TMC2: variants seen among roughly 807,000 people sequenced by gnomAD.
TMC2 encodes transmembrane channel like 2, also known as transmembrane channel-like protein 2.
Under a neutral mutation model 105.9 loss-of-function variants are expected in TMC2, and 102 were observed. The ratio of observed to expected loss-of-function variants is 0.96; its 90% CI spans 0.82 to 1.14. The LOEUF (loss-of-function observed/expected upper bound fraction) is 1.14, where lower values mean the gene tolerates loss of function less well. Among genes scored for constraint, TMC2 ranks in the 50% most tolerant of loss-of-function variants. TMC2 has a pLI of 0.00. For missense variants in TMC2, 1,093 were observed against 1,134.3 expected (o/e 0.96, Z 0.52); for synonymous variants, 402 against 422.8 (o/e 0.95, Z 0.60).
intron 12 of TMC2, among the ~76,000 whole-genome samples, chr20:2,610,924 C>CG (rs1489173910): frequency 1.5e-4 from 23 of 152,150 alleles, no homozygotes; most frequent in Admixed American, 1.5e-3. Flanking sequence ...TAATTGTCCT[C>CG]TAAGGGGCTA....
At chr20:2,560,969 A>G (rs1568505429) in intron 3 of TMC2, among the ~76,000 whole-genome samples, 1 of 152,182 alleles carries the variant, frequency 6.6e-6, no homozygotes, top group Non-Finnish European at 1.5e-5. Context: ...GAAATTCTCC[A>G]CAGCCCTGCT....
rs2086169921 is a variant in TMC2 at position 2,579,264 on chromosome 20, T to C, written c.727+37T>C. On this transcript the variant is annotated intron_variant, in intron 6 of 19. Transcript: ENST00000358864. Reference sequence around the variant, plus strand: ...GGTGTCACTGTTTTTTTAATTGGTTTCCTAAAGCGTTTCCCAAGAGCTTGG... The same window carrying C: ...GGTGTCACTGTTTTTTTAATTGGTTCCCTAAAGCGTTTCCCAAGAGCTTGG... The C allele has an allele frequency of 3.9e-6, 5 of 1,281,780 alleles. No individual in the cohort carries two copies. In the South Asian group the frequency reaches 6.0e-5, roughly 15 times the overall value. 79.4% of individuals were successfully genotyped at this position (1,281,780 alleles called of 1,614,324 possible).
In TMC2 at chr20:2,577,228, A is replaced by G. The variant is rs907559462; in HGVS notation, c.646-1918A>G. On this transcript the variant is annotated intron_variant, in intron 5 of 19. Coordinates refer to ENST00000358864, the MANE Select transcript of TMC2 (RefSeq NM_080751.3). The stretch of plus-strand genomic sequence containing the variant: ...CAGCCTGTATTTGTTTTTAGTAGAG[A>G]CAGGGTTTCACTATGTTAGCCAGGC... 2.8e-4 allele frequency among the ~76,000 whole-genome samples: 42 copies of G among 151,604 alleles called. 5 individuals carry two copies.
intron 2 of TMC2, among the ~76,000 whole-genome samples, chr20:2,553,575 G>A (rs944344267): frequency 6.6e-5 from 10 of 151,978 alleles, no homozygotes; most frequent in African/African-American, 1.9e-4. Context: ...GAATGCTGGC[G>A]TCATGAAATG....
chr20:2,568,908 G>A (rs941901564), intron 4 of TMC2, among the ~76,000 whole-genome samples: 3 of 152,116 alleles, frequency 2.0e-5, no homozygotes, highest in Non-Finnish European at 4.4e-5. Context: ...AACTTCACAC[G>A]TATCAACTGT....
chr20:2,642,380 C>T lies in TMC2; in HGVS notation c.*1029C>T, dbSNP rs751206888. ...AACAGGGAGTGAAAACAGTGAATCA[C>T]AGGAGCGAGTGAGTTGCCCAGTGCC... On this transcript the variant is annotated 3_prime_UTR_variant, in exon 20 of 20. Transcript: ENST00000358864. Among the ~76,000 whole-genome samples, 2 of 152,130 alleles carry T rather than the reference C, an allele frequency of 1.3e-5. No homozygotes were observed. The highest frequency in any genetic ancestry group is 2.1e-4 in the South Asian group (1 of 4,832).
At chr20:2,621,164 C>A (rs1260153709) in intron 16 of TMC2, among the ~76,000 whole-genome samples, 1 of 152,034 alleles carries the variant, frequency 6.6e-6, no homozygotes, top group Non-Finnish European at 1.5e-5. Context: ...AGTTCAAGAC[C>A]AGCCTGGCCA....
intron 1 of TMC2, 126 bp from the exon 2 acceptor site, chr20:2,537,143 C>A: frequency 5.1e-6 from 4 of 786,576 alleles, no homozygotes; most frequent in African/African-American, 1.7e-5. Context: ...TGAGTAAAAT[C>A]ATTGGAGCTG....
At chr20:2,598,921 T>C (rs535612380) in intron 10 of TMC2, among the ~76,000 whole-genome samples, 31 of 151,984 alleles carry the variant, frequency 2.0e-4, no homozygotes, top group Non-Finnish European at 3.5e-4. Context: ...AAGTTTCCTG[T>C]GTGTACATGT....
intron 16 of TMC2, among the ~76,000 whole-genome samples, chr20:2,621,918 C>A (rs888285165): frequency 6.6e-6 from 1 of 152,188 alleles, no homozygotes; most frequent in Non-Finnish European, 1.5e-5. Flanking sequence ...GCACTAGAAT[C>A]TGATACACCA....
intron 10 of TMC2, among the ~76,000 whole-genome samples, chr20:2,599,632 G>A (rs2086336837): frequency 7.2e-6 from 1 of 138,232 alleles, no homozygotes; most frequent in Non-Finnish European, 1.5e-5. Context: ...TAGAGATGAA[G>A]TCTCTCACTA....
intron 17 of TMC2, among the ~76,000 whole-genome samples, chr20:2,633,741 C>T (rs4491794): frequency 0.76 from 115,160 of 152,074 alleles, 43,740 homozygotes; most frequent in East Asian, 0.87. Context: ...CTGTTGGTTT[C>T]CAAACCTACT....
At chr20:2,549,376 T>A (rs1416170784) in intron 2 of TMC2, among the ~76,000 whole-genome samples, 2 of 152,242 alleles carry the variant, frequency 1.3e-5, no homozygotes, top group East Asian at 3.8e-4. Flanking sequence ...ATATCTTAAT[T>A]CAGCCAATTA....
chr20:2,630,437 C>T (rs1276129278), intron 17 of TMC2, among the ~76,000 whole-genome samples: 2 of 152,160 alleles, frequency 1.3e-5, no homozygotes, highest in Admixed American at 1.3e-4. Context: ...TTTACAATTA[C>T]AAAATAATCC....
chr20:2,617,235 G>C lies in TMC2; in HGVS notation c.2104G>C (p.Val702Leu). Residue 702 changes from valine (V) to leucine (L), a missense_variant, in exon 16 of 20, where the codon GTG (valine) becomes CTG (leucine). Transcript: ENST00000358864. ...NNFYMGLLLLVLFLSLLPVAY... is the reference protein window; with the variant it reads ...NNFYMGLLLLLLFLSLLPVAY... ...CTTCTACATGGGCCTCCTGCTGCTG[G>C]TGCTCTTCCTCAGCCTCCTGCCGGT... 1 of 1,614,176 alleles carries C rather than the reference G, an allele frequency of 6.2e-7. No individual in the cohort carries two copies. Among genetic ancestry groups the C allele is most frequent in the Non-Finnish European group, 8.5e-7 (1 of 1,180,028 alleles).
At chr20:2,620,183 T>C (rs2086515001) in intron 16 of TMC2, among the ~76,000 whole-genome samples, 1 of 152,242 alleles carries the variant, frequency 6.6e-6, no homozygotes, top group Admixed American at 6.5e-5. Flanking sequence ...GGTTTCTTCA[T>C]GCTGCTTATA....
intron 4 of TMC2, among the ~76,000 whole-genome samples, chr20:2,568,488 G>A (rs2086079748): frequency 6.6e-6 from 1 of 152,196 alleles, no homozygotes; most frequent in Non-Finnish European, 1.5e-5. Flanking sequence ...TCTGGACACA[G>A]AGTCTGAACA....
intron 8 of TMC2, among the ~76,000 whole-genome samples, chr20:2,593,020 A>G (rs2086280127): frequency 6.6e-6 from 1 of 152,188 alleles, no homozygotes; most frequent in Admixed American, 6.5e-5. Context: ...TCATGTTCAC[A>G]CTACTACCTG....
At chr20:2,579,272 C>T (rs1271974608) in intron 6 of TMC2, 45 bp downstream of exon 6, 25 of 1,207,122 alleles carry the variant, frequency 2.1e-5, no homozygotes, top group Non-Finnish European at 3.0e-5. Context: ...TTTCCTAAAG[C>T]GTTTCCCAAG....
Sources: gnomAD v4.1 joint callset for allele counts (sites outside exome capture counted in the v4.1 genomes callset) on GRCh38, gnomAD v4.1.1 for gene constraint, MANE v1.5 for transcripts, NCBI Gene and HGNC (gene_info 2026-07-23, HGNC 2026-07-21) for gene names.